SLC44A2: variants seen among roughly 807,000 people sequenced by gnomAD.
SLC44A2 encodes the protein choline transporter-like protein 2.
In SLC44A2, 57 loss-of-function variants were observed where a neutral mutation model predicts 90.8. That is an observed-to-expected ratio of 0.63 (90% CI 0.51 to 0.78). SLC44A2 has a LOEUF of 0.78. SLC44A2 is among the 30% of genes least tolerant of loss of function. The pLI, the probability that SLC44A2 is intolerant of heterozygous loss-of-function variation, is 0.00. For synonymous variants in SLC44A2, 355 were observed against 360.7 expected (o/e 0.98, Z 0.18); for missense variants, 794 against 919.7 (o/e 0.86, Z 1.77).
At chr19:10,603,953 A>G (rs185689389) in intron 1 of SLC44A2, among the ~76,000 whole-genome samples, 24 of 152,288 alleles carry the variant, frequency 1.6e-4, no homozygotes, top group African/African-American at 5.8e-4. Flanking sequence ...TGGCCAAAGG[A>G]TGGAATTGAG....
At chr19:10,637,245 G>A (rs1011400967) in intron 16 of SLC44A2, 1 of 242,498 alleles carries the variant, frequency 4.1e-6, no homozygotes, top group East Asian at 1.2e-4. Context: ...CTAGCTACAC[G>A]GGAGGCTGAG....
chr19:10,623,544 T>C (rs2066906886), upstream of SLC44A2, among the ~76,000 whole-genome samples: 1 of 151,990 alleles, frequency 6.6e-6, no homozygotes, highest in Non-Finnish European at 1.5e-5. Flanking sequence ...TCTATAAATA[T>C]TCAAGTAGAG....
chr19:10,624,894 G>A (rs1045227017), upstream of SLC44A2, among the ~76,000 whole-genome samples: 3 of 152,154 alleles, frequency 2.0e-5, no homozygotes, highest in African/African-American at 4.8e-5. Context: ...CAGCACTTTG[G>A]GGGGCCACGG....
intron 20 of SLC44A2, among the ~76,000 whole-genome samples, chr19:10,639,171 T>C (rs1050751308): frequency 5.3e-5 from 8 of 152,164 alleles, no homozygotes; most frequent in African/African-American, 1.7e-4. Context: ...TGACCTCAAG[T>C]GATCCGCCCG....
chr19:10,614,721 A>G (rs1454127668), intron 1 of SLC44A2, among the ~76,000 whole-genome samples: 1 of 152,182 alleles, frequency 6.6e-6, no homozygotes, highest in African/African-American at 2.4e-5. Flanking sequence ...CGATAATCCC[A>G]GCACTTTGGG....
intron 10 of SLC44A2, among the ~76,000 whole-genome samples, chr19:10,632,911 A>G (rs1286166028): frequency 6.6e-6 from 1 of 151,424 alleles, no homozygotes; most frequent in African/African-American, 2.4e-5. Context: ...GCCTCAGGAG[A>G]TCTGCCCGCT....
chr19:10,630,514 G>A (rs1439511118), intron 4 of SLC44A2, among the ~76,000 whole-genome samples: 1 of 151,510 alleles, frequency 6.6e-6, no homozygotes, highest in Non-Finnish European at 1.5e-5. Flanking sequence ...AAAATTAGCT[G>A]GGCATCGTGG....
At chr19:10,621,519 T>C (rs1371398231), upstream of SLC44A2, among the ~76,000 whole-genome samples, 3 of 147,628 alleles carry the variant, frequency 2.0e-5, no homozygotes, top group Non-Finnish European at 4.5e-5. Flanking sequence ...TCTTGGCTCA[T>C]TGCAGCCTCG....
In SLC44A2 at chr19:10,634,842, G is replaced by C; in HGVS notation, c.910G>C (p.Asp304His). Residue 304 changes from aspartate to histidine, a missense_variant, in exon 11 of 22, where the codon GAT becomes CAT. Transcript: ENST00000335757. ...VSLVDLGFQT[D>H]FRVYLHLRQT... The stretch of plus-strand genomic sequence containing the variant: ...TTTGGTGGACCTCGGCTTTCAGACG[G>C]ATTTCCGGGTGTACCTGCACTTACG... 6.2e-7 allele frequency: 1 copy of C among 1,614,152 alleles called. No individual in the cohort carries two copies. The highest frequency in any genetic ancestry group is 8.5e-7 in the Non-Finnish European group (1 of 1,180,038).
intron 1 of SLC44A2, among the ~76,000 whole-genome samples, chr19:10,620,008 CA>C (rs950559467): frequency 2.7e-5 from 4 of 150,852 alleles, no homozygotes; most frequent in African/African-American, 7.3e-5. Context: ...CCTGTCTCTA[CA>C]AAAAAAAATC....
chr19:10,609,656 A>T (rs1918227501), intron 1 of SLC44A2, among the ~76,000 whole-genome samples: 1 of 151,516 alleles, frequency 6.6e-6, no homozygotes, highest in African/African-American at 2.4e-5. Flanking sequence ...GTAGAGATAG[A>T]GTCTTGCTAT....
chr19:10,642,493 CCTT>C, intron 21 of SLC44A2, 42 bp downstream of exon 21: 1 of 1,578,360 alleles, frequency 6.3e-7, no homozygotes, highest in South Asian at 1.1e-5. Flanking sequence ...GCCCCGAATC[CCTT>C]CTTTCCACTG....
Position 10,637,856 on chromosome 19 carries a change from A to C in SLC44A2, c.1696A>C (p.Ile566Leu), listed in dbSNP as rs2067075667. The C allele has an allele frequency of 1.2e-6, 2 of 1,613,906 alleles. No homozygotes were observed. Among genetic ancestry groups the C allele is most frequent in the Non-Finnish European group, 1.7e-6 (2 of 1,179,974 alleles). The change falls in exon 18 of 22, where the codon ATT (isoleucine) becomes CTT (leucine). Residue 566 changes from isoleucine to leucine, a missense_variant and splice_region_variant. Physicochemically the swap from Ile to Leu is conservative, Grantham distance 5. This residue lies in a region of SLC44A2 where 738 missense variants were observed against 841.1 expected (regional missense o/e 0.88). Coordinates refer to ENST00000335757, the MANE Select transcript of SLC44A2 (RefSeq NM_020428.4). ...KFLNRNAYIMIAIYGTNFCTS... is the reference protein window; with the variant it reads ...KFLNRNAYIMLAIYGTNFCTS... ...ATCTCTCCCTCCCACTCTCCTCCAG[A>C]TTGCCATCTACGGCACCAATTTCTG...
chr19:10,626,649 G>A (rs1386863743), intron 2 of SLC44A2, among the ~76,000 whole-genome samples: 2 of 150,632 alleles, frequency 1.3e-5, no homozygotes, highest in Non-Finnish European at 2.9e-5. Context: ...TCGACCTCGT[G>A]AGCTCAAAGC....
At chr19:10,635,540 G>A in intron 14 of SLC44A2, 25 bp downstream of exon 14, 3 of 1,599,014 alleles carry the variant, frequency 1.9e-6, no homozygotes, top group Non-Finnish European at 2.6e-6. Context: ...GGTGGGGAGG[G>A]CAGGTATTGC....
upstream of SLC44A2, among the ~76,000 whole-genome samples, chr19:10,621,949 A>G (rs951477112): frequency 6.6e-6 from 1 of 152,054 alleles, no homozygotes; most frequent in Non-Finnish European, 1.5e-5. Context: ...TTTAGTAGAG[A>G]TGGGGTTTCA....
At chr19:10,623,324 G>A (rs2066905770), upstream of SLC44A2, among the ~76,000 whole-genome samples, 1 of 152,060 alleles carries the variant, frequency 6.6e-6, no homozygotes, top group Non-Finnish European at 1.5e-5. Context: ...TTAAGGATAA[G>A]TTGAGTTAGT....
chr19:10,626,972 T>C (rs2066940873), intron 2 of SLC44A2, among the ~76,000 whole-genome samples: 1 of 151,570 alleles, frequency 6.6e-6, no homozygotes, highest in Admixed American at 6.6e-5. Context: ...ATTGCGCCAC[T>C]GCACTCCAGC....
chr19:10,602,467 G>GCCTC, upstream of SLC44A2: 1 of 1,130,178 alleles, frequency 8.8e-7, no homozygotes, highest in East Asian at 4.3e-5. Flanking sequence ...AGCCCGCGGA[G>GCCTC]CCTCCCGCCC....
Sources: gnomAD v4.1 joint callset for allele counts (sites outside exome capture counted in the v4.1 genomes callset) on GRCh38, gnomAD v4.1.1 for gene constraint, gnomAD v4.1.1 regional missense constraint, MANE v1.5 for transcripts, NCBI Gene and HGNC (gene_info 2026-07-23, HGNC 2026-07-21) for gene names.